The following SMIM13 variants were observed in gnomAD, a reference collection of about 807,000 sequenced individuals.
SMIM13 encodes small integral membrane protein 13, also known as UPF0766 protein C6orf228.
SMIM13 carries 3 observed loss-of-function variants against 5.9 expected under a neutral mutation model. The observed-to-expected ratio is 0.51, with a 90% CI of 0.23 to 1.31. The LOEUF (loss-of-function observed/expected upper bound fraction) is 1.31, where lower values mean the gene tolerates loss of function less well. Among genes scored for constraint, SMIM13 ranks in the 40% most tolerant of loss-of-function variants. The pLI is 0.18. For missense variants in SMIM13, 85 were observed against 109.9 expected (o/e 0.77, Z 1.01); for synonymous variants, 55 against 46.0 (o/e 1.19, Z -0.79).
In SMIM13 at chr6:11,137,307, AC is replaced by A. The variant is rs910850170; in HGVS notation, c.*2706del. 8 of 152,254 alleles carry A rather than the reference AC, an allele frequency of 5.3e-5. No homozygotes were observed. The highest frequency in any genetic ancestry group is 1.9e-4 in the African/African-American group (8 of 41,574). 9.4% of individuals were successfully genotyped at this position (152,254 alleles called of 1,614,324 possible). A position where few individuals can be genotyped will look rare whatever the true frequency, so the allele number is the denominator to read the frequency against. On this transcript the variant is annotated 3_prime_UTR_variant, in exon 2 of 2. Transcript: ENST00000416247. ...GAACTTTTTTCTCTTCGTGCACCTC[AC>A]AACACACTTACCATGGTACATATTT...
Position 11,104,414 on chromosome 6 carries a change from A to G in SMIM13, c.76+10025A>G, listed in dbSNP as rs114277097. On this transcript the variant is annotated intron_variant, in intron 1 of 1. Transcript: ENST00000416247. ...ATTGGTGAATCGACTGGCCACAAATATAAAAGGCTCCTTGAGTTTTAAGGC... is the reference window on the plus strand; with the variant it reads ...ATTGGTGAATCGACTGGCCACAAATGTAAAAGGCTCCTTGAGTTTTAAGGC... 294 of 1,551,714 alleles carry G rather than the reference A, an allele frequency of 1.9e-4. 1 individual carries two copies. In the African/African-American group the frequency reaches 3.7e-3, roughly 20 times the overall value.
In SMIM13 at chr6:11,138,347, T is replaced by C. The variant is rs1758540862; in HGVS notation, c.*3745T>C. The stretch of plus-strand genomic sequence containing the variant: ...GTGTAAAGAGTAACATTTTATCTTA[T>C]GTCAATTAAAGTTACATTTTTCATT... On this transcript the variant is annotated 3_prime_UTR_variant, in exon 2 of 2. Transcript: ENST00000416247. 1 of 152,212 alleles carries C rather than the reference T, an allele frequency of 6.6e-6. No homozygotes were observed. Among genetic ancestry groups the C allele is most frequent in the Non-Finnish European group, 1.5e-5 (1 of 68,038 alleles). The allele number at this position is 152,212 out of a possible 1,614,324, so 9.4% of individuals were successfully genotyped here. A position where few individuals can be genotyped will look rare whatever the true frequency, so the allele number is the denominator to read the frequency against.
chr6:11,125,294 T>TAAAA (rs34260357), intron 1 of SMIM13, among the ~76,000 whole-genome samples: 1 of 105,188 alleles, frequency 9.5e-6, no homozygotes, highest in Non-Finnish European at 1.8e-5. Context: ...GACTCCATCT[T>TAAAA]AAAAAAAAAA....
At position 11,135,264 on chromosome 6, in the gene SMIM13, C is replaced by T. The variant is rs1758504402; in HGVS notation, c.*662C>T. 1 of 152,526 alleles carries T rather than the reference C, an allele frequency of 6.6e-6. No individual in the cohort carries two copies. The highest frequency in any genetic ancestry group is 2.1e-4 in the South Asian group (1 of 4,820). The allele number at this position is 152,526 out of a possible 1,614,324, so 9.4% of individuals were successfully genotyped here. On this transcript the variant is annotated 3_prime_UTR_variant, in exon 2 of 2. Transcript: ENST00000416247. ...GAAATGATCGCAATTCCATATTTTC[C>T]TGCAAAGCAACAACAAAATGTTTTA...
rs1375144148 is a variant in SMIM13, at chr6:11,137,322, T to C, written c.*2720T>C. ...CGTGCACCTCACAACACACTTACCA[T>C]GGTACATATTTCTTAATGCCACTAA... On this transcript the variant is annotated 3_prime_UTR_variant, in exon 2 of 2. Transcript: ENST00000416247. The C allele has an allele frequency of 6.6e-6, 1 of 152,112 alleles. No homozygotes were observed. Among genetic ancestry groups the C allele is most frequent in the Non-Finnish European group, 1.5e-5 (1 of 68,002 alleles). The allele number at this position is 152,112 out of a possible 1,614,324, so 9.4% of individuals were successfully genotyped here. A position where few individuals can be genotyped will look rare whatever the true frequency, so the allele number is the denominator to read the frequency against.
At chr6:11,117,997 A>G (rs765423204) in intron 1 of SMIM13, among the ~76,000 whole-genome samples, 2 of 152,110 alleles carry the variant, frequency 1.3e-5, no homozygotes, top group Non-Finnish European at 2.9e-5. Context: ...CGGCCTCCCA[A>G]AGTGCTGGGA....
chr6:11,115,827 A>T (rs1302920469), intron 1 of SMIM13, among the ~76,000 whole-genome samples: 1 of 143,674 alleles, frequency 7.0e-6, no homozygotes, highest in East Asian at 2.1e-4. Flanking sequence ...TGGGATTACA[A>T]GCATGGGCCA....
chr6:11,124,619 AC>A (rs1167989789), intron 1 of SMIM13, among the ~76,000 whole-genome samples: 4 of 152,112 alleles, frequency 2.6e-5, no homozygotes, highest in Admixed American at 2.6e-4. Flanking sequence ...ATTTATGTAC[AC>A]AGTGTTTCCA....
At chr6:11,125,171 C>T (rs942574293) in intron 1 of SMIM13, among the ~76,000 whole-genome samples, 2 of 149,664 alleles carry the variant, frequency 1.3e-5, no homozygotes, top group East Asian at 2.0e-4. Context: ...CCAGCTACTT[C>T]GGAGGCTGAG....
intron 1 of SMIM13, among the ~76,000 whole-genome samples, chr6:11,120,850 G>T (rs1758299351): frequency 6.6e-6 from 1 of 152,178 alleles, no homozygotes; most frequent in Non-Finnish European, 1.5e-5. Context: ...GTGATTGAAT[G>T]TAAAAGCACT....
chr6:11,100,671 T>C (rs1757978782), intron 1 of SMIM13, among the ~76,000 whole-genome samples: 1 of 152,226 alleles, frequency 6.6e-6, no homozygotes, highest in African/African-American at 2.4e-5. Context: ...AGCTAATGCA[T>C]ACCTGAAAAT....
At chr6:11,109,504 C>T (rs1416932535) in intron 1 of SMIM13, among the ~76,000 whole-genome samples, 4 of 152,102 alleles carry the variant, frequency 2.6e-5, no homozygotes, top group Non-Finnish European at 5.9e-5. Flanking sequence ...GCCTTCTGAA[C>T]CAATGGGAAG....
At chr6:11,110,450 T>A (rs1758150465) in intron 1 of SMIM13, among the ~76,000 whole-genome samples, 1 of 152,192 alleles carries the variant, frequency 6.6e-6, no homozygotes, top group South Asian at 2.1e-4. Context: ...TCATTTCCCA[T>A]GTTCTTTAAG....
chr6:11,114,552 TAATGATTTTTCTG>T, intron 1 of SMIM13, among the ~76,000 whole-genome samples: 1 of 150,352 alleles, frequency 6.7e-6, no homozygotes, highest in Non-Finnish European at 1.5e-5. Flanking sequence ...TTTTTTTTTT[TAATGATTTTTCTG>T]TATTGAGATG....
chr6:11,115,221 CAAATTCCCAT>C (rs1758221688), intron 1 of SMIM13, among the ~76,000 whole-genome samples: 1 of 152,304 alleles, frequency 6.6e-6, no homozygotes, highest in South Asian at 2.1e-4. Flanking sequence ...TGCTGCATAA[CAAATTCCCAT>C]AAATTTAGCA....
chr6:11,104,560 T>A, intron 1 of SMIM13: 1 of 1,603,852 alleles, frequency 6.2e-7, no homozygotes, highest in Non-Finnish European at 8.5e-7. Context: ...ACGCAGGGTG[T>A]TTGGCTCTGG....
intron 1 of SMIM13, among the ~76,000 whole-genome samples, chr6:11,132,855 GT>G (rs1338549729): frequency 6.6e-6 from 1 of 152,134 alleles, no homozygotes; most frequent in Admixed American, 6.6e-5. Flanking sequence ...AGTGGTGACG[GT>G]TGTACAATCT....
At chr6:11,112,116 A>C (rs1758175883) in intron 1 of SMIM13, among the ~76,000 whole-genome samples, 1 of 152,110 alleles carries the variant, frequency 6.6e-6, no homozygotes, top group African/African-American at 2.4e-5. Flanking sequence ...TTAGAGAAAC[A>C]GTGTAACAAC....
In SMIM13 at chr6:11,103,722, G is replaced by A. The variant is rs763622248; in HGVS notation, c.76+9333G>A. 6 of 1,551,342 alleles carry A rather than the reference G, an allele frequency of 3.9e-6. No homozygotes were observed. In the South Asian group the frequency reaches 5.9e-5, roughly 15 times the overall value. ...GAAGGGTGACTCTTGAATATTGCGA[G>A]GATGGCGTCCTGCACTGAGATTCGT... On this transcript the variant is annotated intron_variant, in intron 1 of 1. Transcript: ENST00000416247.
Sources: gnomAD v4.1 joint callset for allele counts (sites outside exome capture counted in the v4.1 genomes callset) on GRCh38, gnomAD v4.1.1 for gene constraint, MANE v1.5 for transcripts, NCBI Gene and HGNC (gene_info 2026-07-23, HGNC 2026-07-21) for gene names.